Variants in RIMS1 observed in about 807,000 individuals in gnomAD.
RIMS1 encodes the protein regulating synaptic membrane exocytosis protein 1.
Under a neutral mutation model 214.1 loss-of-function variants are expected in RIMS1, and 83 were observed. That is an observed-to-expected ratio of 0.39 (90% confidence interval 0.32 to 0.47). The LOEUF is 0.47. Among genes scored for constraint, RIMS1 ranks in the 20% least tolerant of loss-of-function variants. The pLI, the probability that RIMS1 is intolerant of heterozygous loss-of-function variation, is 0.99. For missense variants in RIMS1, 2,050 were observed against 2,161.8 expected, an observed-to-expected ratio of 0.95 and a Z score of 1.03; for synonymous variants, 793 against 786.8, an observed-to-expected ratio of 1.01 and a Z score of -0.13.
At chr6:72,098,508 T>C (rs1281605168) in intron 3 of RIMS1, among the ~76,000 whole-genome samples, 1 of 152,092 alleles carries the variant, frequency 6.6e-6, no homozygotes, top group African/African-American at 2.4e-5. Flanking sequence ...TTGACCAGGC[T>C]GATCTCGAAC....
Position 72,402,826 on chromosome 6 carries a change from CTA to C in RIMS1, c.*2114_*2115del. 1 of 152,586 alleles carries C rather than the reference CTA, an allele frequency of 6.6e-6. No homozygotes were observed. 9.5% of individuals were successfully genotyped at this position (152,586 alleles called of 1,614,324 possible). ...ATGTCAGTCAGTAGCCATATGTGTT[CTA>C]TGTCTTGCCAGATTTCCATTGTGGG... is the stretch of plus-strand genomic sequence containing the variant. On this transcript the variant is annotated 3_prime_UTR_variant, in exon 34 of 34. Coordinates refer to ENST00000521978, the MANE Select transcript of RIMS1 (RefSeq NM_014989.7).
At chr6:71,975,844 C>CT (rs146317480) in intron 2 of RIMS1, among the ~76,000 whole-genome samples, 4,816 of 152,100 alleles carry the variant, frequency 0.032, 111 homozygotes, top group Non-Finnish European at 0.052. Flanking sequence ...TTATATCTGG[C>CT]TTTTTTCATT....
intron 29 of RIMS1, among the ~76,000 whole-genome samples, chr6:72,371,741 A>G (rs985971241): frequency 6.6e-6 from 1 of 150,612 alleles, no homozygotes; most frequent in African/African-American, 2.4e-5. Context: ...CTGTGTAGAT[A>G]GACGAGCCCC....
At chr6:72,371,844 A>C (rs2098231099) in intron 29 of RIMS1, among the ~76,000 whole-genome samples, 1 of 152,162 alleles carries the variant, frequency 6.6e-6, no homozygotes, top group Non-Finnish European at 1.5e-5. Flanking sequence ...TCTGCCATTT[A>C]CTGGCGATGA....
intron 2 of RIMS1, among the ~76,000 whole-genome samples, chr6:72,001,451 T>C (rs1311274395): frequency 6.6e-6 from 1 of 152,172 alleles, no homozygotes; most frequent in Non-Finnish European, 1.5e-5. Flanking sequence ...ATTTTAGAAC[T>C]AATTATATTA....
chr6:72,258,948 A>T, intron 17 of RIMS1, 38 bp from the exon 18 acceptor site: 1 of 1,604,432 alleles, frequency 6.2e-7, no homozygotes, highest in East Asian at 2.2e-5. Flanking sequence ...TGGGAAGATG[A>T]TACAATTTGA....
rs922340184 is a variant in RIMS1 at position 72,157,014 on chromosome 6, G to T, written c.472-22561G>T. ...ATAATATAGAAATATCTGTGCAATT[G>T]GTCTAGTAGCACTGATGCTTAAAAA... On this transcript the variant is annotated intron_variant, in intron 4 of 33. Coordinates refer to ENST00000521978, the MANE Select transcript of RIMS1 (RefSeq NM_014989.7). Among the ~76,000 whole-genome samples the T allele has an allele frequency of 1.8e-4, 25 of 140,136 alleles. 5 individuals are homozygous for T. Among genetic ancestry groups the T allele is most frequent in the Non-Finnish European group, 8.1e-5 (5 of 61,622 alleles). The allele number at this position is 140,136 out of a possible 152,430, so 91.9% of individuals were successfully genotyped here. A position where few individuals can be genotyped will look rare whatever the true frequency, so the allele number is the denominator to read the frequency against.
chr6:72,300,634 G>A (rs191487961), intron 26 of RIMS1, among the ~76,000 whole-genome samples: 1 of 151,804 alleles, frequency 6.6e-6, no homozygotes, highest in East Asian at 1.9e-4. Flanking sequence ...GCATCTTATG[G>A]GAGATAGTGT....
chr6:71,978,847 A>G (rs1221900060), intron 2 of RIMS1, among the ~76,000 whole-genome samples: 2 of 151,984 alleles, frequency 1.3e-5, no homozygotes, highest in Non-Finnish European at 2.9e-5. Flanking sequence ...TCCAACTAGG[A>G]AAAAAAATGT....
At chr6:71,903,478 G>A (rs1483328058) in intron 1 of RIMS1, among the ~76,000 whole-genome samples, 3 of 152,086 alleles carry the variant, frequency 2.0e-5, no homozygotes, top group Non-Finnish European at 2.9e-5. Context: ...AAAAGCAATT[G>A]CAACAAAAGC....
rs145451253 is a variant in RIMS1 at position 71,902,627 on chromosome 6, C to A, written c.164+15440C>A. 2.1e-3 allele frequency among the ~76,000 whole-genome samples: 317 copies of A among 152,120 alleles called. 3 individuals carry two copies. The highest frequency in any genetic ancestry group is 6.8e-3 in the Middle Eastern group (2 of 294). On this transcript the variant is annotated intron_variant, in intron 1 of 33. Transcript: ENST00000521978. ...GGTTTGCTGCACTCAGATCAACCCA[C>A]CTCCTAGATATTAAGCTCAGCATAC...
chr6:71,929,759 A>G (rs1246506421), intron 1 of RIMS1, among the ~76,000 whole-genome samples: 1 of 152,128 alleles, frequency 6.6e-6, no homozygotes, highest in Non-Finnish European at 1.5e-5. Context: ...GAAAGATATG[A>G]AAGTTATCAT....
In RIMS1 at chr6:72,182,488, G is replaced by A; in HGVS notation, c.1017G>A (p.Ala339=). 1 of 1,610,114 alleles carries A rather than the reference G, an allele frequency of 6.2e-7. No individual in the cohort carries two copies. Among genetic ancestry groups the A allele is most frequent in the Non-Finnish European group, 8.5e-7 (1 of 1,178,034 alleles). ...CGGAAAAACGGGATGAGGGCAAAGCGGCGGATGAGGAAAAGCAAAGAAAAG... is the reference window on the plus strand; with the variant it reads ...CGGAAAAACGGGATGAGGGCAAAGCAGCGGATGAGGAAAAGCAAAGAAAAG... The part of the protein sequence containing the change: ...DTPEKRDEGK[A]ADEEKQRKEE... The change falls in exon 6 of 34, where the codon GCG becomes GCA. Residue 339 remains alanine (A), a synonymous_variant. Coordinates refer to ENST00000521978, the MANE Select transcript of RIMS1 (RefSeq NM_014989.7).
chr6:72,270,206 C>T (rs2082342137), intron 22 of RIMS1, among the ~76,000 whole-genome samples: 1 of 152,002 alleles, frequency 6.6e-6, no homozygotes. Context: ...AAATAGATAT[C>T]ATAGGTCTTG....
intron 4 of RIMS1, among the ~76,000 whole-genome samples, chr6:72,117,974 T>A (rs966412820): frequency 6.6e-6 from 1 of 151,624 alleles, no homozygotes; most frequent in Non-Finnish European, 1.5e-5. Flanking sequence ...AAAAGAGATA[T>A]GAAACTAAAA....
At chr6:72,078,758 C>T (rs1270303779) in intron 2 of RIMS1, among the ~76,000 whole-genome samples, 1 of 152,128 alleles carries the variant, frequency 6.6e-6, no homozygotes, top group Admixed American at 6.5e-5. Context: ...TACATGCCTA[C>T]TTTCCATATC....
intron 1 of RIMS1, among the ~76,000 whole-genome samples, chr6:71,918,012 G>A (rs1778934277): frequency 6.6e-6 from 1 of 152,094 alleles, no homozygotes; most frequent in Non-Finnish European, 1.5e-5. Context: ...ATGATGATTA[G>A]CTATGCAGTT....
At chr6:72,135,017 A>G (rs2041054659) in intron 4 of RIMS1, among the ~76,000 whole-genome samples, 1 of 152,156 alleles carries the variant, frequency 6.6e-6, no homozygotes, top group Non-Finnish European at 1.5e-5. Flanking sequence ...AAATGATAAT[A>G]ATAAATATAT....
At chr6:72,261,170 T>C in intron 19 of RIMS1, 1 of 1,033,508 alleles carries the variant, frequency 9.7e-7, no homozygotes, top group Non-Finnish European at 1.2e-6. Context: ...GTAAGTTTGC[T>C]CTGTTTTAGC....
Sources: gnomAD v4.1 joint callset for allele counts (sites outside exome capture counted in the v4.1 genomes callset) on GRCh38, gnomAD v4.1.1 for gene constraint, MANE v1.5 for transcripts, NCBI Gene and HGNC (gene_info 2026-07-23, HGNC 2026-07-21) for gene names.